Variants in LHFPL3 observed in about 807,000 individuals in gnomAD.
The protein encoded by LHFPL3 is LHFPL tetraspan subfamily member 3 protein.
A neutral mutation model predicts 19.3 loss-of-function variants in LHFPL3; 5 were observed. That is an observed-to-expected ratio of 0.26 (90% CI 0.14 to 0.54). LHFPL3 has a LOEUF of 0.54. Ranked by LOEUF, LHFPL3 falls within the 20% of genes least tolerant of loss-of-function variation. LHFPL3 has a pLI of 0.94. For synonymous variants in LHFPL3, 133 were observed against 126.2 expected (o/e 1.05, Z -0.36); for missense variants, 249 against 307.4 (o/e 0.81, Z 1.42).
Position 104,611,673 on chromosome 7 carries a change from A to G in LHFPL3, c.446-125002A>G, listed in dbSNP as rs904034284. Among the ~76,000 whole-genome samples the G allele has an allele frequency of 5.3e-5, 8 of 152,196 alleles. No homozygotes were observed. The East Asian group carries it at 1.2e-3, about 22-fold the overall frequency. On this transcript the variant is annotated intron_variant, in intron 1 of 2. Transcript: ENST00000424859. ...CTCATTTCCAAGGTTCAAATTAACTATATAGAAGAAAAAAAGAAACATAAA... is the reference window on the plus strand; with the variant it reads ...CTCATTTCCAAGGTTCAAATTAACTGTATAGAAGAAAAAAAGAAACATAAA...
chr7:104,878,623 A>G (rs1340701647), intron 2 of LHFPL3, among the ~76,000 whole-genome samples: 1 of 152,214 alleles, frequency 6.6e-6, no homozygotes, highest in African/African-American at 2.4e-5. Context: ...GCCAATTAAT[A>G]AGCCTACTTA....
chr7:104,542,912 T>C (rs1185017595), intron 1 of LHFPL3, among the ~76,000 whole-genome samples: 1 of 151,816 alleles, frequency 6.6e-6, no homozygotes, highest in Non-Finnish European at 1.5e-5. Context: ...CAAATGCCCA[T>C]CAGTGATAGA....
chr7:104,551,080 T>C (rs1268085416), intron 1 of LHFPL3, among the ~76,000 whole-genome samples: 2 of 151,590 alleles, frequency 1.3e-5, no homozygotes, highest in Non-Finnish European at 2.9e-5. Context: ...CTTAATAGAC[T>C]TCAATGAGGT....
intron 2 of LHFPL3, among the ~76,000 whole-genome samples, chr7:104,756,852 C>T (rs1035505578): frequency 2.6e-5 from 4 of 152,148 alleles, no homozygotes; most frequent in African/African-American, 9.7e-5. Context: ...GCATTATTTG[C>T]TTTGAATATT....
At chr7:104,411,334 T>G (rs1175950623) in intron 1 of LHFPL3, among the ~76,000 whole-genome samples, 1 of 152,184 alleles carries the variant, frequency 6.6e-6, no homozygotes, top group Non-Finnish European at 1.5e-5. Flanking sequence ...GTGAAGACAT[T>G]CCTCAGATTG....
At chr7:104,583,600 A>G (rs1001247127) in intron 1 of LHFPL3, among the ~76,000 whole-genome samples, 2 of 152,242 alleles carry the variant, frequency 1.3e-5, no homozygotes, top group Admixed American at 1.3e-4. Flanking sequence ...CGAAGAACCC[A>G]AACAAATTTA....
intron 1 of LHFPL3, among the ~76,000 whole-genome samples, chr7:104,735,915 G>A (rs1372667704): frequency 6.6e-6 from 1 of 152,246 alleles, no homozygotes. Context: ...TGGCTATTGT[G>A]AAGAGTGCTG....
intron 1 of LHFPL3, among the ~76,000 whole-genome samples, chr7:104,347,847 G>A (rs934851865): frequency 2.0e-5 from 3 of 149,766 alleles, no homozygotes; most frequent in Admixed American, 6.7e-5. Flanking sequence ...AGCCGAGATC[G>A]CCCATTACAC....
rs571851930 is a variant in LHFPL3 at position 104,398,845 on chromosome 7, C to A, written c.445+69621C>A. ...TTCTGGAAATGTTTTCTGATGCCCGCCCCCCGGCCCTGAATACTCCCTTAG... is the reference window on the plus strand; with the variant it reads ...TTCTGGAAATGTTTTCTGATGCCCGACCCCCGGCCCTGAATACTCCCTTAG... On this transcript the variant is annotated intron_variant, in intron 1 of 2. Coordinates refer to ENST00000424859, the MANE Select transcript of LHFPL3 (RefSeq NM_199000.3). 4.0e-4 allele frequency among the ~76,000 whole-genome samples: 26 copies of A among 65,436 alleles called. No individual in the cohort carries two copies. In the Admixed American group the frequency reaches 5.2e-3, roughly 13 times the overall value. 42.9% of individuals were successfully genotyped at this position (65,436 alleles called of 152,430 possible). A position where few individuals can be genotyped will look rare whatever the true frequency, so the allele number is the denominator to read the frequency against.
At chr7:104,848,882 CCTTT>C (rs1791362607) in intron 2 of LHFPL3, among the ~76,000 whole-genome samples, 2 of 151,930 alleles carry the variant, frequency 1.3e-5, no homozygotes, top group African/African-American at 4.8e-5. Context: ...GAGAACTCTG[CCTTT>C]TTTTGTTTTT....
chr7:104,687,528 C>T (rs1365475863), intron 1 of LHFPL3, among the ~76,000 whole-genome samples: 1 of 152,208 alleles, frequency 6.6e-6, no homozygotes, highest in African/African-American at 2.4e-5. Context: ...GTGACCCTCC[C>T]CTACCGTGAA....
intron 1 of LHFPL3, among the ~76,000 whole-genome samples, chr7:104,491,420 T>C (rs1368290340): frequency 1.3e-5 from 2 of 151,884 alleles, no homozygotes; most frequent in Non-Finnish European, 2.9e-5. Flanking sequence ...TGTTAAGCAT[T>C]ACAAGTAATG....
intron 1 of LHFPL3, among the ~76,000 whole-genome samples, chr7:104,736,058 C>T (rs902790546): frequency 1.3e-5 from 2 of 152,100 alleles, no homozygotes; most frequent in African/African-American, 4.8e-5. Context: ...ATGTTGTTTT[C>T]CATATGGCTA....
intron 1 of LHFPL3, among the ~76,000 whole-genome samples, chr7:104,428,436 GT>G (rs1791889498): frequency 6.6e-6 from 1 of 152,170 alleles, no homozygotes; most frequent in Non-Finnish European, 1.5e-5. Context: ...AGGAGCCGTT[GT>G]CTTTTCATAG....
chr7:104,543,911 T>TAAC (rs923988406), intron 1 of LHFPL3, among the ~76,000 whole-genome samples: 4 of 148,064 alleles, frequency 2.7e-5, no homozygotes, highest in African/African-American at 9.9e-5. Flanking sequence ...AATATAATAA[T>TAAC]AATAATAATA....
chr7:104,413,917 C>T (rs751450646), intron 1 of LHFPL3, among the ~76,000 whole-genome samples: 3 of 152,056 alleles, frequency 2.0e-5, no homozygotes, highest in Non-Finnish European at 1.5e-5. Flanking sequence ...ATTTTCCATT[C>T]GACCCACTGG....
intron 1 of LHFPL3, among the ~76,000 whole-genome samples, chr7:104,708,195 C>G (rs1793228278): frequency 6.6e-6 from 1 of 152,172 alleles, no homozygotes. Context: ...CTTTGGGTTT[C>G]TAGGCAGCAT....
intron 1 of LHFPL3, among the ~76,000 whole-genome samples, chr7:104,467,793 G>T (rs1792822291): frequency 6.6e-6 from 1 of 152,158 alleles, no homozygotes; most frequent in East Asian, 1.9e-4. Flanking sequence ...TATCAACTTG[G>T]ATACCAAGTC....
intron 2 of LHFPL3, among the ~76,000 whole-genome samples, chr7:104,783,358 C>G (rs1432806399): frequency 6.6e-6 from 1 of 152,178 alleles, no homozygotes; most frequent in African/African-American, 2.4e-5. Context: ...CTTATTTAAC[C>G]CCAGTGGGCT....
Sources: gnomAD v4.1 joint callset for allele counts (sites outside exome capture counted in the v4.1 genomes callset) on GRCh38, gnomAD v4.1.1 for gene constraint, MANE v1.5 for transcripts, NCBI Gene and HGNC (gene_info 2026-07-23, HGNC 2026-07-21) for gene names.